The following AHCYL2 variants were observed in gnomAD, a reference collection of about 807,000 sequenced individuals.
AHCYL2 encodes the protein adenosylhomocysteinase like 2.
In AHCYL2, 28 loss-of-function variants were observed where a neutral mutation model predicts 81.4. The observed-to-expected ratio is 0.34, with a 90% CI of 0.25 to 0.47. The LOEUF (loss-of-function observed/expected upper bound fraction) is 0.47, where lower values mean the gene tolerates loss of function less well. AHCYL2 is among the 20% of genes least tolerant of loss of function. The probability of loss-of-function intolerance (pLI) is 1.00; values close to 1 mark genes in which losing one functional copy is unlikely to be tolerated. For synonymous variants in AHCYL2, 272 were observed against 290.2 expected, an observed-to-expected ratio of 0.94 and a Z score of 0.64; for missense variants, 551 against 785.1, an observed-to-expected ratio of 0.70 and a Z score of 3.56.
intron 1 of AHCYL2, among the ~76,000 whole-genome samples, chr7:129,340,363 C>T (rs1475438776): frequency 6.6e-6 from 1 of 150,846 alleles, no homozygotes; most frequent in Non-Finnish European, 1.5e-5. Context: ...GTCAGGACAT[C>T]GAGACCATCC....
chr7:129,255,535 A>T (rs1447531147), intron 1 of AHCYL2, among the ~76,000 whole-genome samples: 34 of 152,184 alleles, frequency 2.2e-4, no homozygotes, highest in Admixed American at 2.2e-3. Context: ...ATAAATTTTG[A>T]ACTGCATAGA....
At chr7:129,361,454 C>A (rs543536460) in intron 1 of AHCYL2, among the ~76,000 whole-genome samples, 1 of 152,024 alleles carries the variant, frequency 6.6e-6, no homozygotes, top group Non-Finnish European at 1.5e-5. Flanking sequence ...GTAAGCACCA[C>A]GAAGATAAAG....
At chr7:129,226,744 T>A (rs897734505) in intron 1 of AHCYL2, among the ~76,000 whole-genome samples, 1 of 152,230 alleles carries the variant, frequency 6.6e-6, no homozygotes. Flanking sequence ...CTTTGTCGTT[T>A]GTAGTATGAA....
At chr7:129,341,796 A>T (rs1192854980) in intron 1 of AHCYL2, among the ~76,000 whole-genome samples, 1 of 152,230 alleles carries the variant, frequency 6.6e-6, no homozygotes, top group East Asian at 1.9e-4. Flanking sequence ...TGGTTATCAT[A>T]TGAAACCTAT....
At chr7:129,397,369 G>C in intron 5 of AHCYL2, 45 bp downstream of exon 5, 1 of 1,526,870 alleles carries the variant, frequency 6.5e-7, no homozygotes. Context: ...AAGTCTATTT[G>C]GAGACTTACT....
At chr7:129,270,679 C>T (rs1319630546) in intron 1 of AHCYL2, among the ~76,000 whole-genome samples, 1 of 152,156 alleles carries the variant, frequency 6.6e-6, no homozygotes, top group East Asian at 1.9e-4. Context: ...TTAGTTTTAA[C>T]AACCACATGG....
At chr7:129,403,235 G>A in intron 6 of AHCYL2, 144 bp from the exon 7 acceptor site, 1 of 482,896 alleles carries the variant, frequency 2.1e-6, no homozygotes. Context: ...TATTTACTCT[G>A]GCTTTAAGTT....
rs1050814463 is a variant in AHCYL2, at chr7:129,389,318, T to C, written c.619+119T>C. The C allele has an allele frequency of 5.8e-6, 7 of 1,213,148 alleles. No individual in the cohort carries two copies. In the Admixed American group the frequency reaches 8.1e-5, roughly 14 times the overall value. The allele number at this position is 1,213,148 out of a possible 1,614,324, so 75.1% of individuals were successfully genotyped here. Reference sequence around the variant, plus strand: ...AATTTCTATGTGATAAGAATACTTATAACAAAAGAAATGTGAGTTCAAGAA... The same window carrying C: ...AATTTCTATGTGATAAGAATACTTACAACAAAAGAAATGTGAGTTCAAGAA... On this transcript the variant is annotated intron_variant, in intron 3 of 16. Transcript: ENST00000325006.
At chr7:129,313,138 A>C (rs1047725340) in intron 1 of AHCYL2, among the ~76,000 whole-genome samples, 6 of 152,336 alleles carry the variant, frequency 3.9e-5, no homozygotes, top group Admixed American at 1.3e-4. Flanking sequence ...AATACACAGT[A>C]AGTGTTCGAT....
intron 3 of AHCYL2, 21 bp from the exon 4 acceptor site, chr7:129,389,613 G>C (rs768535161): frequency 1.3e-6 from 2 of 1,565,294 alleles, no homozygotes; most frequent in East Asian, 4.5e-5. Context: ...TAATATTGCT[G>C]TATTTATTGG....
At chr7:129,259,066 G>A (rs916475699) in intron 1 of AHCYL2, among the ~76,000 whole-genome samples, 1 of 152,098 alleles carries the variant, frequency 6.6e-6, no homozygotes, top group Admixed American at 6.6e-5. Flanking sequence ...TATAAAATAG[G>A]AAATGAATCT....
chr7:129,249,319 T>C (rs1795167666), intron 1 of AHCYL2, among the ~76,000 whole-genome samples: 2 of 151,930 alleles, frequency 1.3e-5, no homozygotes, highest in South Asian at 4.1e-4. Flanking sequence ...TTTTAAAGTG[T>C]ACAATTCATT....
At chr7:129,233,592 AT>A (rs1794528031) in intron 1 of AHCYL2, among the ~76,000 whole-genome samples, 1 of 152,110 alleles carries the variant, frequency 6.6e-6, no homozygotes, top group African/African-American at 2.4e-5. Context: ...GGTTCAAGCG[AT>A]TCTCCTGCCT....
chr7:129,280,484 T>C lies in AHCYL2; in HGVS notation c.363+55045T>C, dbSNP rs554983169. Reference sequence around the variant, plus strand: ...ATGCTCGGCCCTAAATTTGCTAAATTCTTGTTTTAGTTCTAGTAGCTTTTT... The same window carrying C: ...ATGCTCGGCCCTAAATTTGCTAAATCCTTGTTTTAGTTCTAGTAGCTTTTT... On this transcript the variant is annotated intron_variant, in intron 1 of 16. Coordinates refer to ENST00000325006, the MANE Select transcript of AHCYL2 (RefSeq NM_015328.4). 4.6e-5 allele frequency among the ~76,000 whole-genome samples: 7 copies of C among 152,244 alleles called. No individual in the cohort carries two copies. In the South Asian group the frequency reaches 1.5e-3, roughly 32 times the overall value.
chr7:129,267,113 CAA>C (rs1270992037), intron 1 of AHCYL2, among the ~76,000 whole-genome samples: 1 of 151,036 alleles, frequency 6.6e-6, no homozygotes, highest in Non-Finnish European at 1.5e-5. Context: ...TAAGTGAAAA[CAA>C]AAAAAGATTA....
intron 1 of AHCYL2, among the ~76,000 whole-genome samples, chr7:129,370,542 CA>C (rs376586246): frequency 6.6e-6 from 1 of 151,916 alleles, no homozygotes. Context: ...ACTAAAAATA[CA>C]AAAAATTAGC....
intron 1 of AHCYL2, among the ~76,000 whole-genome samples, chr7:129,357,348 C>T (rs2150837676): frequency 6.6e-6 from 1 of 152,206 alleles, no homozygotes; most frequent in Non-Finnish European, 1.5e-5. Flanking sequence ...AGAAGTTAAC[C>T]TTAGAGGATG....
chr7:129,364,839 G>A (rs1794050474), intron 1 of AHCYL2, among the ~76,000 whole-genome samples: 1 of 152,090 alleles, frequency 6.6e-6, no homozygotes, highest in Non-Finnish European at 1.5e-5. Flanking sequence ...TATAATTAAG[G>A]ACTAAAACCC....
chr7:129,389,767 A>G, intron 4 of AHCYL2, 33 bp downstream of exon 4: 2 of 1,546,500 alleles, frequency 1.3e-6, no homozygotes, highest in South Asian at 1.2e-5. Context: ...TTTAATTACA[A>G]TAGTTAATAA....
Sources: allele counts gnomAD v4.1 joint callset (sites outside exome capture counted in the v4.1 genomes callset), GRCh38; gene constraint gnomAD v4.1.1; transcripts MANE v1.5; gene names NCBI Gene and HGNC (gene_info 2026-07-23, HGNC 2026-07-21).